The following SEZ6L2 variants were observed in gnomAD, a reference collection of about 807,000 sequenced individuals.
SEZ6L2 encodes the protein seizure 6-like protein 2.
SEZ6L2 carries 44 observed loss-of-function variants against 97.0 expected under a neutral mutation model. The observed-to-expected ratio is 0.45, with a 90% CI of 0.36 to 0.58. The LOEUF (loss-of-function observed/expected upper bound fraction) is 0.58, where lower values mean the gene tolerates loss of function less well. Among genes scored for constraint, SEZ6L2 ranks in the 20% least tolerant of loss-of-function variants. SEZ6L2 has a pLI of 0.00. For missense variants in SEZ6L2, 1,086 were observed against 1,233.3 expected, an observed-to-expected ratio of 0.88 and a Z score of 1.79; for synonymous variants, 543 against 546.1, an observed-to-expected ratio of 0.99 and a Z score of 0.08.
rs373395460 is a variant in SEZ6L2 at position 29,878,270 on chromosome 16, G to A, written c.1712+17C>T. On this transcript the variant is annotated intron_variant, in intron 10 of 17. Coordinates refer to ENST00000617533, the MANE Select transcript of SEZ6L2 (RefSeq NM_001243332.2). ...TGAGCCTACACCCGTCGCACCCTCT[G>A]CAGGACCCAAACATACATCTCAACT... is the stretch of plus-strand genomic sequence containing the variant. The A allele has an allele frequency of 7.1e-4, 1,124 of 1,585,374 alleles. 1 individual carries two copies. The highest frequency in any genetic ancestry group is 9.0e-4 in the Non-Finnish European group (1,049 of 1,163,088).
chr16:29,891,875 C>T (rs1340475956), intron 5 of SEZ6L2, among the ~76,000 whole-genome samples: 1 of 152,132 alleles, frequency 6.6e-6, no homozygotes, highest in Non-Finnish European at 1.5e-5. Context: ...ATAAAAGAAA[C>T]ACGCAAAGCA....
In SEZ6L2 at chr16:29,873,258, G is replaced by A; in HGVS notation, c.2470C>T (p.Gln824Ter). 2.5e-6 allele frequency: 4 copies of A among 1,614,032 alleles called. No individual in the cohort carries two copies. The highest frequency in any genetic ancestry group is 3.4e-6 in the Non-Finnish European group (4 of 1,179,990). The stretch of plus-strand genomic sequence containing the variant: ...CAGGCACCTTTGCAGAGTGGGGGCT[G>A]GCTGGTCCACTGGGAGGGGTGGCCG... Reference protein sequence around the residue: ...VPGHPSQWTSQPPLCKVAYEE... With the variant: ...VPGHPSQWTS The change falls in exon 14 of 18, where the codon CAG (glutamine) becomes TAG (stop). Residue 824 changes from glutamine to a stop codon, truncating the protein, a stop_gained. Transcript: ENST00000617533. LOFTEE classifies it high-confidence loss of function. This position sits in a 1 kb window ranked among gnomAD's most constrained non-coding sequence, Gnocchi z 4.3.
intron 3 of SEZ6L2, 122 bp downstream of exon 3, chr16:29,896,700 T>G (rs1232970767): frequency 9.1e-6 from 7 of 773,264 alleles, no homozygotes; most frequent in African/African-American, 7.0e-5. Context: ...CTACCTTTGT[T>G]ATTATTATTC....
rs1209737448 is a variant in SEZ6L2 at position 29,874,294 on chromosome 16, A to G, written c.2105-565T>C. On this transcript the variant is annotated intron_variant, in intron 12 of 17. Coordinates refer to ENST00000617533, the MANE Select transcript of SEZ6L2 (RefSeq NM_001243332.2). ...TACCAGAGCATACTAGCCAAATCCCAGCAGGGTGAGCCCAACATGGCTTGT... is the reference window on the plus strand; with the variant it reads ...TACCAGAGCATACTAGCCAAATCCCGGCAGGGTGAGCCCAACATGGCTTGT... 3.3e-5 allele frequency among the ~76,000 whole-genome samples: 5 copies of G among 152,226 alleles called. No homozygotes were observed. The East Asian group carries it at 9.7e-4, about 29-fold the overall frequency.
chr16:29,892,719 T>C (rs902040787), intron 5 of SEZ6L2, among the ~76,000 whole-genome samples: 5 of 152,210 alleles, frequency 3.3e-5, no homozygotes, highest in African/African-American at 9.6e-5. Context: ...GCCAAGGCCA[T>C]GCGGTGATGT....
Position 29,888,676 on chromosome 16 carries a change from C to T in SEZ6L2, c.903G>A (p.Val301=). ...GFPPRPAHGD[V]SVTDLHPGGT... ...CCCCAGGGTGCAGGTCCGTCACACTCACGTCCCCATGGGCCGGCCGGGGAG... is the reference window on the plus strand; with the variant it reads ...CCCCAGGGTGCAGGTCCGTCACACTTACGTCCCCATGGGCCGGCCGGGGAG... The change falls in exon 6 of 18, where the codon GTG becomes GTA. Residue 301 remains valine, a synonymous_variant. Coordinates refer to ENST00000617533, the MANE Select transcript of SEZ6L2 (RefSeq NM_001243332.2). 1.2e-6 allele frequency: 2 copies of T among 1,613,936 alleles called. No homozygotes were observed. Among genetic ancestry groups the T allele is most frequent in the Non-Finnish European group, 1.7e-6 (2 of 1,179,914 alleles).
At position 29,889,251 on chromosome 16, in the gene SEZ6L2, G is replaced by A. The variant is rs1049380546; in HGVS notation, c.854-526C>T. ...AAGTCAGGAGTTCGAGACCAGCCTG[G>A]CCAACATGGTAAAACCCCGTCTCTA... is the stretch of plus-strand genomic sequence containing the variant. On this transcript the variant is annotated intron_variant, in intron 5 of 17. Coordinates refer to ENST00000617533, the MANE Select transcript of SEZ6L2 (RefSeq NM_001243332.2). Among the ~76,000 whole-genome samples, 8 of 152,198 alleles carry A rather than the reference G, an allele frequency of 5.3e-5. No individual in the cohort carries two copies. The South Asian group carries it at 8.3e-4, about 16-fold the overall frequency.
rs746248854 is a variant in SEZ6L2, at chr16:29,898,924, C to A, written c.79+17G>T. 6.2e-7 allele frequency: 1 copy of A among 1,601,696 alleles called. No homozygotes were observed. On this transcript the variant is annotated intron_variant, in intron 1 of 17. Transcript: ENST00000617533. ...GACGCCTTCCTGGGGCCCACCCCCA[C>A]AGTCTCATGTCCTTACCCTGGATCC...
At chr16:29,895,183 A>T in intron 5 of SEZ6L2, 76 bp downstream of exon 5, 1 of 829,692 alleles carries the variant, frequency 1.2e-6, no homozygotes, top group East Asian at 3.5e-5. Context: ...TGTCTCAAAA[A>T]AAAAAAAAAA....
chr16:29,877,181 A>G, intron 11 of SEZ6L2, 90 bp downstream of exon 11: 1 of 1,376,026 alleles, frequency 7.3e-7, no homozygotes, highest in South Asian at 1.5e-5. Flanking sequence ...AGGCCCCGGG[A>G]TAACAGGCGT....
Position 29,899,124 on chromosome 16 carries a change from T to G in SEZ6L2, c.-105A>C. ...TCCCTTTAATTGTTTTTTTTTTTTTTTTTTTTTTCCTCGTAGGAGTCAGCA... is the reference window on the plus strand; with the variant it reads ...TCCCTTTAATTGTTTTTTTTTTTTTGTTTTTTTTCCTCGTAGGAGTCAGCA... On this transcript the variant is annotated 5_prime_UTR_variant, in exon 1 of 18. Transcript: ENST00000617533. 1.1e-6 allele frequency: 1 copy of G among 871,078 alleles called. No homozygotes were observed. The allele number at this position is 871,078 out of a possible 1,614,324, so 54.0% of individuals were successfully genotyped here.
rs967551792 is a variant in SEZ6L2, at chr16:29,897,096, G to A, written c.237C>T (p.Ala79=). 1.9e-6 allele frequency: 3 copies of A among 1,578,934 alleles called. No individual in the cohort carries two copies. Among genetic ancestry groups the A allele is most frequent in the East Asian group, 2.3e-5 (1 of 44,214 alleles). ...CGAGAGTCTGGCCGGCCGGAGGGGTGGCTAGCGTGGGGTCCCGATCAGATC... is the reference window on the plus strand; with the variant it reads ...CGAGAGTCTGGCCGGCCGGAGGGGTAGCTAGCGTGGGGTCCCGATCAGATC... ...LPGSDRDPTL[A]TPPAGQTLAV... is the part of the protein sequence containing the mutation. Residue 79 remains alanine (A), a synonymous_variant, in exon 3 of 18, where the codon GCC becomes GCT. Transcript: ENST00000617533.
chr16:29,890,574 C>T (rs938308007), intron 5 of SEZ6L2, among the ~76,000 whole-genome samples: 3 of 152,032 alleles, frequency 2.0e-5, no homozygotes, highest in Non-Finnish European at 2.9e-5. Context: ...TCCATATTTT[C>T]GCTTGTGCTC....
intron 11 of SEZ6L2, 132 bp downstream of exon 11, chr16:29,877,139 G>T: frequency 8.7e-6 from 10 of 1,152,836 alleles, no homozygotes; most frequent in Non-Finnish European, 1.2e-5. Context: ...CAACCTCCTG[G>T]CTTCAAACGA....
chr16:29,895,615 T>C, intron 4 of SEZ6L2, 106 bp downstream of exon 4: 2 of 1,451,684 alleles, frequency 1.4e-6, no homozygotes, highest in South Asian at 1.3e-5. Flanking sequence ...TGAGGTCACC[T>C]GAGTCATCAG....
At chr16:29,877,243 C>A (rs746757167) in intron 11 of SEZ6L2, 28 bp downstream of exon 11, 5 of 1,518,422 alleles carry the variant, frequency 3.3e-6, no homozygotes, top group Non-Finnish European at 4.4e-6. Flanking sequence ...CCGACCCCTG[C>A]CCATCCCGGG....
In SEZ6L2 at chr16:29,887,868, TCTC is replaced by T. The variant is rs1388353393; in HGVS notation, c.1040-54_1040-52del. 3.8e-6 allele frequency: 6 copies of T among 1,595,188 alleles called. No homozygotes were observed. In the African/African-American group the frequency reaches 8.1e-5, roughly 21 times the overall value. ...AGGCCAGCCTGAGGTGAACTGTCCT[TCTC>T]CTCGGGGCCTCGGCCCGTTTTCAGA... On this transcript the variant is annotated intron_variant, in intron 6 of 17. Transcript: ENST00000617533.
At chr16:29,898,393 G>C (rs937639280) in intron 1 of SEZ6L2, among the ~76,000 whole-genome samples, 1 of 151,830 alleles carries the variant, frequency 6.6e-6, no homozygotes, top group Admixed American at 6.6e-5. Flanking sequence ...CTTTCTCTCT[G>C]GGTTTCTGTC....
At chr16:29,886,319 A>C (rs182874037) in intron 7 of SEZ6L2, among the ~76,000 whole-genome samples, 1 of 152,184 alleles carries the variant, frequency 6.6e-6, no homozygotes, top group East Asian at 1.9e-4. Flanking sequence ...CAGTGAGCTG[A>C]ATCCGTGCCA....
Sources: gnomAD v4.1 joint callset for allele counts (sites outside exome capture counted in the v4.1 genomes callset) on GRCh38, gnomAD v4.1.1 for gene constraint, Gnocchi (gnomAD v3.1) non-coding constraint, MANE v1.5 for transcripts, NCBI Gene and HGNC (gene_info 2026-07-23, HGNC 2026-07-21) for gene names.